Variants in P4HA3 observed in about 807,000 individuals in gnomAD.
The protein encoded by P4HA3 is prolyl 4-hydroxylase subunit alpha 3.
P4HA3 carries 60 observed loss-of-function variants against 66.7 expected under a neutral mutation model. That is an observed-to-expected ratio of 0.90 (90% CI 0.73 to 1.12). The LOEUF (loss-of-function observed/expected upper bound fraction) is 1.12, where lower values mean the gene tolerates loss of function less well. P4HA3 is among the 50% of genes most tolerant of loss of function. The pLI is 0.00. For missense variants in P4HA3, 683 were observed against 685.8 expected (o/e 1.00, Z 0.05); for synonymous variants, 263 against 274.6 (o/e 0.96, Z 0.42).
chr11:74,300,537 T>C (rs944466581), intron 3 of P4HA3, among the ~76,000 whole-genome samples: 1 of 152,144 alleles, frequency 6.6e-6, no homozygotes, highest in Non-Finnish European at 1.5e-5. Context: ...GAGGATCACT[T>C]GAGCCCCCCC....
chr11:74,256,277 T>G (rs555084152), intron 15 of P4HA3, among the ~76,000 whole-genome samples: 1 of 152,316 alleles, frequency 6.6e-6, no homozygotes, highest in East Asian at 1.9e-4. Context: ...ACCGTGGAGA[T>G]GAACCCTCTT....
chr11:74,303,705 C>T (rs529418111), intron 2 of P4HA3, among the ~76,000 whole-genome samples: 34 of 151,812 alleles, frequency 2.2e-4, no homozygotes, highest in Admixed American at 7.2e-4. Context: ...CCTCAGCTCC[C>T]GAGTAGCTGG....
chr11:74,263,450 C>G (rs757100118), downstream of P4HA3, among the ~76,000 whole-genome samples: 14 of 152,182 alleles, frequency 9.2e-5, no homozygotes, highest in Non-Finnish European at 1.6e-4. Flanking sequence ...GAAGTGACAG[C>G]AAAATAACAT....
At chr11:74,263,285 C>T (rs916315464), downstream of P4HA3, among the ~76,000 whole-genome samples, 1 of 152,206 alleles carries the variant, frequency 6.6e-6, no homozygotes, top group Non-Finnish European at 1.5e-5. Flanking sequence ...CTGATTCATT[C>T]CTATATTCAA....
chr11:74,252,342 C>T, intron 15 of P4HA3: 1 of 424,426 alleles, frequency 2.4e-6, no homozygotes, highest in Non-Finnish European at 4.8e-6. Context: ...CCCGCATCGG[C>T]CTCCTAAAGT....
intron 11 of P4HA3, among the ~76,000 whole-genome samples, chr11:74,268,525 T>G (rs960494758): frequency 6.6e-6 from 1 of 152,204 alleles, no homozygotes; most frequent in African/African-American, 2.4e-5. Context: ...AAAACAGACC[T>G]GAACAAGACA....
chr11:74,295,919 A>G (rs550038714), intron 4 of P4HA3, among the ~76,000 whole-genome samples: 5 of 152,378 alleles, frequency 3.3e-5, no homozygotes, highest in South Asian at 2.1e-4. Flanking sequence ...TGAGATGAAA[A>G]GAACCAAAAT....
At chr11:74,261,296 C>T (rs60662773) in intron 14 of P4HA3, among the ~76,000 whole-genome samples, 4,144 of 151,956 alleles carry the variant, frequency 0.027, 186 homozygotes, top group African/African-American at 0.095. Flanking sequence ...TGCTGACTGG[C>T]TTGTGAGTAT....
chr11:74,251,328 T>G, intron 15 of P4HA3: 1 of 1,360,684 alleles, frequency 7.3e-7, no homozygotes, highest in Non-Finnish European at 9.5e-7. Context: ...GGGTAGAAAC[T>G]GCTCCCTAAA....
rs550063291 is a variant in P4HA3 at position 74,290,746 on chromosome 11, G to C, written c.718-1616C>G. 1.8e-4 allele frequency among the ~76,000 whole-genome samples: 28 copies of C among 152,344 alleles called. 1 individual carries two copies. The highest frequency in any genetic ancestry group is 6.5e-4 in the African/African-American group (27 of 41,580). ...TTTTAGTCAGGTTTGTGAAAGATCA[G>C]ATAGTTGTAGATATGCGGCATTATT... On this transcript the variant is annotated intron_variant, in intron 4 of 12. Coordinates refer to ENST00000331597, the MANE Select transcript of P4HA3 (RefSeq NM_182904.5).
chr11:74,276,256 C>T (rs1860389104), intron 9 of P4HA3, among the ~76,000 whole-genome samples: 3 of 152,148 alleles, frequency 2.0e-5, no homozygotes, highest in South Asian at 4.1e-4. Context: ...CACCATTACA[C>T]ATGCAATACC....
At chr11:74,266,370 C>T (rs550264478), downstream of P4HA3, among the ~76,000 whole-genome samples, 1 of 152,166 alleles carries the variant, frequency 6.6e-6, no homozygotes. Flanking sequence ...TGCACACATC[C>T]TCCCATATAC....
intron 4 of P4HA3, among the ~76,000 whole-genome samples, chr11:74,295,818 G>GTTACTCTTTTAATTAATTACTC (rs1861194386): frequency 6.6e-6 from 1 of 151,998 alleles, no homozygotes; most frequent in Admixed American, 6.6e-5. Context: ...GAATTACTCT[G>GTTACTCTTTTAATTAATTACTC]TTCTACATTT....
At chr11:74,261,274 A>G (rs1859902239) in intron 14 of P4HA3, among the ~76,000 whole-genome samples, 1 of 152,186 alleles carries the variant, frequency 6.6e-6, no homozygotes, top group African/African-American at 2.4e-5. Context: ...TGGACTCAGA[A>G]TGGGGAGCGT....
chr11:74,269,223 T>G (rs2135703853), intron 11 of P4HA3, among the ~76,000 whole-genome samples: 1 of 152,244 alleles, frequency 6.6e-6, no homozygotes, highest in Admixed American at 6.5e-5. Context: ...TATTGCAACA[T>G]CATAATGCCT....
In P4HA3 at chr11:74,266,878, C is replaced by A; in HGVS notation, c.*370G>T. The A allele has an allele frequency of 2.4e-6, 2 of 831,620 alleles. No homozygotes were observed. The highest frequency in any genetic ancestry group is 3.6e-6 in the Non-Finnish European group (2 of 551,972). 51.5% of individuals were successfully genotyped at this position (831,620 alleles called of 1,614,324 possible). ...GCCCCTCCTGCAGGTGTCCTCATTG[C>A]CACTTCTTGGTCCCTGTGGTCAAGG... is the stretch of plus-strand genomic sequence containing the variant. On this transcript the variant is annotated 3_prime_UTR_variant, in exon 13 of 13. Transcript: ENST00000331597.
chr11:74,266,933 AC>A lies in P4HA3; in HGVS notation c.*314del. Reference sequence around the variant, plus strand: ...AAGTGCCAAAAGACCCACTGATCGAACCTGAGACTGTTGAGATGTCCTGTTC... The same window carrying A: ...AAGTGCCAAAAGACCCACTGATCGAACTGAGACTGTTGAGATGTCCTGTTC... On this transcript the variant is annotated 3_prime_UTR_variant, in exon 13 of 13. Coordinates refer to ENST00000331597, the MANE Select transcript of P4HA3 (RefSeq NM_182904.5). 2.3e-6 allele frequency: 3 copies of A among 1,309,154 alleles called. No individual in the cohort carries two copies. Among genetic ancestry groups the A allele is most frequent in the Non-Finnish European group, 3.1e-6 (3 of 981,166 alleles). The allele number at this position is 1,309,154 out of a possible 1,614,324, so 81.1% of individuals were successfully genotyped here. A position where few individuals can be genotyped will look rare whatever the true frequency, so the allele number is the denominator to read the frequency against.
chr11:74,311,357 G>C, intron 1 of P4HA3, 55 bp downstream of exon 1: 1 of 1,417,720 alleles, frequency 7.1e-7, no homozygotes, highest in East Asian at 2.9e-5. Context: ...CCCACCCTGC[G>C]GCACAGTGTA....
chr11:74,285,323 T>G (rs1860752286), intron 7 of P4HA3: 1 of 152,396 alleles, frequency 6.6e-6, no homozygotes, highest in Non-Finnish European at 1.5e-5. Flanking sequence ...ATAATGAAGT[T>G]TAGCTTTCTA....
Sources: gnomAD v4.1 joint callset for allele counts (sites outside exome capture counted in the v4.1 genomes callset) on GRCh38, gnomAD v4.1.1 for gene constraint, MANE v1.5 for transcripts, NCBI Gene and HGNC (gene_info 2026-07-23, HGNC 2026-07-21) for gene names.